SERGEF: variants seen among roughly 807,000 people sequenced by gnomAD.
SERGEF encodes the protein secretion-regulating guanine nucleotide exchange factor.
A neutral mutation model predicts 50.0 loss-of-function variants in SERGEF; 51 were observed. That is an observed-to-expected ratio of 1.02 (90% CI 0.81 to 1.29). The LOEUF is 1.29. Ranked by LOEUF, SERGEF falls within the 50% of genes most tolerant of loss-of-function variation. The pLI is 0.00. For synonymous variants in SERGEF, 205 were observed against 212.4 expected, an observed-to-expected ratio of 0.97 and a Z score of 0.30; for missense variants, 521 against 557.0, an observed-to-expected ratio of 0.94 and a Z score of 0.65.
At chr11:17,806,234 T>C (rs1399266903) in intron 10 of SERGEF, among the ~76,000 whole-genome samples, 2 of 152,180 alleles carry the variant, frequency 1.3e-5, no homozygotes, top group Non-Finnish European at 2.9e-5. Flanking sequence ...CTAATATCAA[T>C]TCTAGATAAA....
At chr11:17,975,685 C>T (rs1005187664) in intron 8 of SERGEF, among the ~76,000 whole-genome samples, 9 of 151,968 alleles carry the variant, frequency 5.9e-5, no homozygotes, top group South Asian at 4.2e-4. Context: ...AAGAGCACCC[C>T]GAGTCAGGGT....
chr11:17,882,020 C>T (rs993561248), intron 9 of SERGEF, among the ~76,000 whole-genome samples: 9 of 152,230 alleles, frequency 5.9e-5, no homozygotes, highest in African/African-American at 2.2e-4. Context: ...ATTCACATCA[C>T]ATTACTTTTC....
intron 10 of SERGEF, among the ~76,000 whole-genome samples, chr11:17,861,851 G>A (rs550968035): frequency 6.6e-6 from 1 of 152,334 alleles, no homozygotes; most frequent in South Asian, 2.1e-4. Flanking sequence ...GTAGCATCTT[G>A]TCTCGCTAAA....
chr11:17,919,179 T>A (rs1852108657), intron 9 of SERGEF, among the ~76,000 whole-genome samples: 1 of 152,216 alleles, frequency 6.6e-6, no homozygotes, highest in Non-Finnish European at 1.5e-5. Flanking sequence ...ACTTTGAGCA[T>A]TAGTAAATTC....
At chr11:17,886,133 T>A (rs572816953) in intron 9 of SERGEF, among the ~76,000 whole-genome samples, 194 of 152,216 alleles carry the variant, frequency 1.3e-3, no homozygotes, top group Non-Finnish European at 1.7e-3. Context: ...CTCAGTTCCC[T>A]CATCTGTAAA....
At chr11:17,815,287 C>T (rs753497727) in intron 10 of SERGEF, among the ~76,000 whole-genome samples, 8 of 152,038 alleles carry the variant, frequency 5.3e-5, no homozygotes, top group African/African-American at 1.2e-4. Context: ...ATAAATACTT[C>T]GGGGTTTCAT....
intron 10 of SERGEF, among the ~76,000 whole-genome samples, chr11:17,803,586 A>C (rs980469373): frequency 6.6e-6 from 1 of 152,180 alleles, no homozygotes; most frequent in African/African-American, 2.4e-5. Context: ...CGAATATGTA[A>C]AGTGCCCAGC....
chr11:17,926,381 C>G (rs1161644344), intron 9 of SERGEF, among the ~76,000 whole-genome samples: 1 of 152,136 alleles, frequency 6.6e-6, no homozygotes, highest in Non-Finnish European at 1.5e-5. Context: ...TTCTCACAAG[C>G]AGGGCCAGAG....
At chr11:17,835,368 TA>T (rs1278450492) in intron 10 of SERGEF, among the ~76,000 whole-genome samples, 1 of 152,164 alleles carries the variant, frequency 6.6e-6, no homozygotes, top group East Asian at 1.9e-4. Flanking sequence ...ATAGCCACAA[TA>T]GCTCCGTCTA....
chr11:17,955,070 C>G (rs1399379985), intron 9 of SERGEF, among the ~76,000 whole-genome samples: 1 of 152,200 alleles, frequency 6.6e-6, no homozygotes, highest in East Asian at 1.9e-4. Flanking sequence ...GGGTAGGCAT[C>G]CTGATTGCAT....
intron 10 of SERGEF, among the ~76,000 whole-genome samples, chr11:17,830,916 G>A (rs538307964): frequency 1.3e-5 from 2 of 152,136 alleles, no homozygotes; most frequent in Non-Finnish European, 2.9e-5. Flanking sequence ...GGTTTTCAGT[G>A]TATTTCAGTC....
intron 7 of SERGEF, among the ~76,000 whole-genome samples, chr11:17,990,772 C>CTT (rs5790010): frequency 6.7e-6 from 1 of 148,238 alleles, no homozygotes; most frequent in African/African-American, 2.5e-5. Context: ...GGCTATTAAT[C>CTT]TTTTTTTTTT....
chr11:17,815,356 T>C (rs1349133005), intron 10 of SERGEF, among the ~76,000 whole-genome samples: 2 of 150,238 alleles, frequency 1.3e-5, no homozygotes, highest in Non-Finnish European at 2.9e-5. Flanking sequence ...CCTAGCACTT[T>C]CGGAGGCCGA....
At chr11:17,790,870 G>A (rs140988063) in intron 10 of SERGEF, among the ~76,000 whole-genome samples, 78 of 152,344 alleles carry the variant, frequency 5.1e-4, no homozygotes, top group African/African-American at 1.6e-3. Context: ...AGATGGAGCA[G>A]TAGCGCTTTC....
intron 10 of SERGEF, among the ~76,000 whole-genome samples, chr11:17,800,899 A>C (rs1157465440): frequency 6.6e-6 from 1 of 152,132 alleles, no homozygotes; most frequent in Non-Finnish European, 1.5e-5. Flanking sequence ...GGCAGGCCTT[A>C]AAATTGAAGG....
At chr11:17,832,713 G>A (rs1428225865) in intron 10 of SERGEF, among the ~76,000 whole-genome samples, 1 of 152,220 alleles carries the variant, frequency 6.6e-6, no homozygotes, top group African/African-American at 2.4e-5. Flanking sequence ...CCAGGCTGAG[G>A]TGGTCTCAGA....
At chr11:17,917,413 G>T (rs1278096090) in intron 9 of SERGEF, among the ~76,000 whole-genome samples, 1 of 151,718 alleles carries the variant, frequency 6.6e-6, no homozygotes, top group South Asian at 2.1e-4. Flanking sequence ...CAATGACTCA[G>T]GGGGGAAGGG....
chr11:17,910,170 TACAC>T (rs143977376), intron 9 of SERGEF, among the ~76,000 whole-genome samples: 14 of 147,950 alleles, frequency 9.5e-5, no homozygotes, highest in African/African-American at 2.5e-4. Flanking sequence ...ATTTGCCACC[TACAC>T]ACACACACAC....
intron 9 of SERGEF, among the ~76,000 whole-genome samples, chr11:17,897,409 T>G (rs1172967851): frequency 6.6e-6 from 1 of 152,222 alleles, no homozygotes; most frequent in Non-Finnish European, 1.5e-5. Context: ...TGGCTTACAG[T>G]ACTATGAACT....
Sources: allele counts gnomAD v4.1 joint callset (sites outside exome capture counted in the v4.1 genomes callset), GRCh38; gene constraint gnomAD v4.1.1; transcripts MANE v1.5; gene names NCBI Gene and HGNC (gene_info 2026-07-23, HGNC 2026-07-21).